Variants in CDH1 observed in about 807,000 individuals in gnomAD.
CDH1 encodes the protein cadherin 1.
A neutral mutation model predicts 84.5 loss-of-function variants in CDH1; 35 were observed. That is an observed-to-expected ratio of 0.41 (90% confidence interval 0.32 to 0.55). The LOEUF (loss-of-function observed/expected upper bound fraction) is 0.55. Among genes scored for constraint, CDH1 ranks in the 20% least tolerant of loss-of-function variants. The pLI, the probability that CDH1 is intolerant of heterozygous loss-of-function variation, is 0.19. For missense variants in CDH1, 994 were observed against 1,126.6 expected (o/e 0.88, Z 1.68); for synonymous variants, 417 against 439.0 (o/e 0.95, Z 0.63).
rs757422353 is a variant in CDH1 at position 68,823,432 on chromosome 16, C to G, written c.1970C>G (p.Ala657Gly). 1 of 1,613,690 alleles carries G rather than the reference C, an allele frequency of 6.2e-7. No homozygotes were observed. Residue 657 changes from alanine to glycine, a missense_variant, in exon 13 of 16, where the codon GCC (alanine) becomes GGC (glycine). By Grantham distance (60) the Ala-to-Gly change is moderately conservative. Transcript: ENST00000261769. ...QESIILKPKM[A>G]LEVGDYKINL... is the part of the protein sequence containing the mutation. ...TCTATCATTTTGAAGCCAAAGATGG[C>G]CTTAGAGGTGGGTGACTACAAAATC...
intron 2 of CDH1, among the ~76,000 whole-genome samples, chr16:68,797,732 T>C (rs1960399186): frequency 6.6e-6 from 1 of 152,162 alleles, no homozygotes. Context: ...TAAAAGCTAA[T>C]TGAAGCTTAG....
chr16:68,747,503 G>A (rs2152116803), intron 2 of CDH1, among the ~76,000 whole-genome samples: 2 of 152,264 alleles, frequency 1.3e-5, no homozygotes, highest in South Asian at 4.1e-4. Context: ...ATATATGTCT[G>A]TATGGCAGAC....
intron 11 of CDH1, among the ~76,000 whole-genome samples, chr16:68,820,334 C>A (rs957196770): frequency 4.6e-5 from 7 of 151,800 alleles, no homozygotes; most frequent in East Asian, 3.9e-4. Context: ...ACTTGTGTGA[C>A]CTTGGATTTG....
intron 15 of CDH1, among the ~76,000 whole-genome samples, chr16:68,832,063 CAT>C (rs1160462473): frequency 3.9e-5 from 6 of 152,158 alleles, no homozygotes; most frequent in African/African-American, 1.2e-4. Context: ...TGTTCTCACT[CAT>C]ATGTGGGAGC....
chr16:68,822,543 C>G, intron 12 of CDH1: 1 of 528,606 alleles, frequency 1.9e-6, no homozygotes, highest in Middle Eastern at 5.5e-4. Flanking sequence ...TGGGACCAAA[C>G]AACACCATTT....
intron 3 of CDH1, among the ~76,000 whole-genome samples, chr16:68,804,136 T>C (rs1485253845): frequency 1.7e-5 from 2 of 116,306 alleles, no homozygotes; most frequent in African/African-American, 6.5e-5. Context: ...TTTTTTGAGA[T>C]GGAGTCTCGC....
Position 68,801,687 on chromosome 16 carries a change from A to G in CDH1, c.181A>G (p.Thr61Ala). The G allele has an allele frequency of 1.2e-6, 2 of 1,614,022 alleles. No individual in the cohort carries two copies. Among genetic ancestry groups the G allele is most frequent in the Non-Finnish European group, 1.7e-6 (2 of 1,179,882 alleles). The change falls in exon 3 of 16, where the codon ACC (threonine) becomes GCC (alanine). Residue 61 changes from threonine (T) to alanine (A), a missense_variant. Coordinates refer to ENST00000261769, the MANE Select transcript of CDH1 (RefSeq NM_004360.5). ...CCCTGCAGTGAATTTTGAAGATTGC[A>G]CCGGTCGACAAAGGACAGCCTATTT... ...VLGRVNFEDCTGRQRTAYFSL... is the reference protein window; with the variant it reads ...VLGRVNFEDCAGRQRTAYFSL...
Position 68,834,365 on chromosome 16 carries a change from C to T in CDH1, c.*866C>T. Reference sequence around the variant, plus strand: ...GTAACCTCAAACTCTGGGGCTCAAGCAGTTCTCCCACCAGCCTCCTTTTTA... The same window carrying T: ...GTAACCTCAAACTCTGGGGCTCAAGTAGTTCTCCCACCAGCCTCCTTTTTA... On this transcript the variant is annotated 3_prime_UTR_variant, in exon 16 of 16. Coordinates refer to ENST00000261769, the MANE Select transcript of CDH1 (RefSeq NM_004360.5). The T allele has an allele frequency of 2.2e-6, 1 of 458,062 alleles. No homozygotes were observed. Among genetic ancestry groups the T allele is most frequent in the Non-Finnish European group, 4.3e-6 (1 of 233,352 alleles). The allele number at this position is 458,062 out of a possible 1,614,324, so 28.4% of individuals were successfully genotyped here.
At chr16:68,790,526 C>T (rs1960179326) in intron 2 of CDH1, among the ~76,000 whole-genome samples, 1 of 152,092 alleles carries the variant, frequency 6.6e-6, no homozygotes, top group Admixed American at 6.5e-5. Flanking sequence ...AAGAAAGCCC[C>T]TCCAATTTGC....
intron 2 of CDH1, among the ~76,000 whole-genome samples, chr16:68,739,388 A>G (rs1002718588): frequency 6.6e-6 from 1 of 151,976 alleles, no homozygotes; most frequent in Admixed American, 6.6e-5. Context: ...CCGCACTCCA[A>G]CCTGGGTGAC....
rs2012924 is a variant in CDH1, at chr16:68,829,960, T to C, written c.2439+163T>C. 0.12 allele frequency among the ~76,000 whole-genome samples: 12,976 copies of C among 107,952 alleles called. 612 individuals carry two copies. Among genetic ancestry groups the C allele is most frequent in the Non-Finnish European group, 0.14 (8,340 of 59,732 alleles). 70.8% of individuals were successfully genotyped at this position (107,952 alleles called of 152,430 possible). The stretch of plus-strand genomic sequence containing the variant: ...TCCTTTTTCTTTTTTTTTCTTTTTC[T>C]TTTTTTTTTTTTTTGAGACGAAGTT... On this transcript the variant is annotated intron_variant, in intron 15 of 15. Transcript: ENST00000261769.
chr16:68,756,695 T>A (rs914894110), intron 2 of CDH1, among the ~76,000 whole-genome samples: 8 of 152,218 alleles, frequency 5.3e-5, no homozygotes, highest in Non-Finnish European at 8.8e-5. Context: ...ACTTTTGCCT[T>A]CTTGTCTCAA....
intron 2 of CDH1, chr16:68,770,947 C>T (rs925408629): frequency 4.6e-5 from 7 of 151,750 alleles, no homozygotes; most frequent in African/African-American, 1.5e-4. Flanking sequence ...TCCACCGAGA[C>T]GAAGTGATGC....
intron 3 of CDH1, among the ~76,000 whole-genome samples, chr16:68,804,258 C>T (rs373646977): frequency 2.0e-5 from 3 of 151,840 alleles, no homozygotes; most frequent in African/African-American, 4.8e-5. Context: ...AGACTACAGG[C>T]ATCCGCCACC....
Position 68,833,321 on chromosome 16 carries a change from C to T in CDH1, c.2471C>T (p.Ala824Val), listed in dbSNP as rs1450920019. ...NLKAADTDPT[A>V]PPYDSLLVFD... Reference sequence around the variant, plus strand: ...AAAGCGGCTGATACTGACCCCACAGCCCCGCCTTATGATTCTCTGCTCGTG... The same window carrying T: ...AAAGCGGCTGATACTGACCCCACAGTCCCGCCTTATGATTCTCTGCTCGTG... The change falls in exon 16 of 16, where the codon GCC (alanine) becomes GTC (valine). Residue 824 changes from alanine (A) to valine (V), a missense_variant. Ala to Val is a moderately conservative substitution (Grantham distance 64). This residue lies in a region of CDH1 where 769 missense variants were observed against 881.8 expected (regional missense o/e 0.87). Transcript: ENST00000261769. The T allele has an allele frequency of 1.2e-6, 2 of 1,614,192 alleles. No individual in the cohort carries two copies. Among genetic ancestry groups the T allele is most frequent in the Middle Eastern group, 1.7e-4 (1 of 6,060 alleles).
chr16:68,793,262 G>A (rs1212759512), intron 2 of CDH1, among the ~76,000 whole-genome samples: 3 of 152,164 alleles, frequency 2.0e-5, no homozygotes, highest in Non-Finnish European at 2.9e-5. Flanking sequence ...AGACCTTTTT[G>A]AAACTGGAGT....
intron 2 of CDH1, among the ~76,000 whole-genome samples, chr16:68,755,541 C>T (rs534150845): frequency 1.6e-4 from 24 of 151,364 alleles, no homozygotes; most frequent in Admixed American, 1.3e-3. Context: ...CCACCATGCC[C>T]GGCCAGGCCA....
At position 68,819,392 on chromosome 16, in the gene CDH1, A is replaced by G; in HGVS notation, c.1678A>G (p.Thr560Ala). ...GGATTTTGAGCACGTGAAGAACAGCACGTACACAGCCCTAATCATAGCTAC... is the reference window on the plus strand; with the variant it reads ...GGATTTTGAGCACGTGAAGAACAGCGCGTACACAGCCCTAATCATAGCTAC... The part of the protein sequence containing the change: ...REDFEHVKNS[T>A]YTALIIATDN... The change falls in exon 11 of 16, where the codon ACG becomes GCG. Residue 560 changes from threonine (T) to alanine (A), a missense_variant. By Grantham distance (58) the Thr-to-Ala change is moderately conservative. Coordinates refer to ENST00000261769, the MANE Select transcript of CDH1 (RefSeq NM_004360.5). 6.2e-7 allele frequency: 1 copy of G among 1,613,878 alleles called. No individual in the cohort carries two copies. Among genetic ancestry groups the G allele is most frequent in the Non-Finnish European group, 8.5e-7 (1 of 1,180,024 alleles).
chr16:68,738,518 T>G, intron 2 of CDH1, 107 bp downstream of exon 2: 1 of 686,176 alleles, frequency 1.5e-6, no homozygotes, highest in Non-Finnish European at 2.5e-6. Flanking sequence ...GCTCCCTCCT[T>G]GGCTCAAACG....
Sources: gnomAD v4.1 joint callset for allele counts (sites outside exome capture counted in the v4.1 genomes callset) on GRCh38, gnomAD v4.1.1 for gene constraint, gnomAD v4.1.1 regional missense constraint, MANE v1.5 for transcripts, NCBI Gene and HGNC (gene_info 2026-07-23, HGNC 2026-07-21) for gene names.